The following FILIP1L variants were observed in gnomAD, a reference collection of about 807,000 sequenced individuals.
FILIP1L encodes the protein filamin A-interacting protein 1-like.
FILIP1L carries 55 observed loss-of-function variants against 96.6 expected under a neutral mutation model. The observed-to-expected ratio is 0.57, with a 90% CI of 0.46 to 0.71. The LOEUF (loss-of-function observed/expected upper bound fraction) is 0.71. Ranked by LOEUF, FILIP1L falls within the 30% of genes least tolerant of loss-of-function variation. FILIP1L has a pLI of 0.00. For missense variants in FILIP1L, 1,304 were observed against 1,321.2 expected, an observed-to-expected ratio of 0.99 and a Z score of 0.20; for synonymous variants, 467 against 473.9, an observed-to-expected ratio of 0.99 and a Z score of 0.19.
intron 4 of FILIP1L, among the ~76,000 whole-genome samples, chr3:99,902,506 G>T (rs1706469414): frequency 6.6e-6 from 1 of 152,102 alleles, no homozygotes; most frequent in Non-Finnish European, 1.5e-5. Context: ...GATATATAAG[G>T]GTATCTAGCT....
chr3:99,890,477 A>G (rs1244210250), intron 4 of FILIP1L, among the ~76,000 whole-genome samples: 4 of 152,108 alleles, frequency 2.6e-5, no homozygotes, highest in Non-Finnish European at 5.9e-5. Flanking sequence ...TTAATCTCTT[A>G]TAACCTAGAT....
In FILIP1L at chr3:99,924,404, T is replaced by A. The variant is rs1707222542; in HGVS notation, c.431A>T (p.Asp144Val). 22 of 1,613,856 alleles carry A rather than the reference T, an allele frequency of 1.4e-5. No individual in the cohort carries two copies. Among genetic ancestry groups the A allele is most frequent in the Non-Finnish European group, 1.9e-5 (22 of 1,179,916 alleles). ...TTCTTTATGTTTTTCCACAACTTTG[T>A]CCAACTACGAAAGAAAACATTTATA... is the stretch of plus-strand genomic sequence containing the variant. ...DIYEKPMNELDKVVEKHKESY... is the reference protein window; with the variant it reads ...DIYEKPMNELVKVVEKHKESY... The change falls in exon 4 of 6, where the codon GAC becomes GTC. Residue 144 changes from aspartate to valine, a missense_variant. Physicochemically the swap from Asp to Val is radical, Grantham distance 152 (BLOSUM62 -3). Coordinates refer to ENST00000477258, the MANE Select transcript of FILIP1L (RefSeq NM_001387850.1).
intron 1 of FILIP1L, among the ~76,000 whole-genome samples, chr3:100,072,235 G>A (rs374992673): frequency 6.6e-6 from 1 of 152,162 alleles, no homozygotes; most frequent in South Asian, 2.1e-4. Flanking sequence ...ATCTCCCCAA[G>A]CCCAAACCCA....
intron 1 of FILIP1L, among the ~76,000 whole-genome samples, chr3:99,991,630 G>C (rs545522324): frequency 2.2e-4 from 34 of 151,856 alleles, no homozygotes; most frequent in Non-Finnish European, 3.4e-4. Context: ...GTATTCTCCA[G>C]TGTCTGTTAT....
chr3:99,898,275 A>G (rs1706324749), intron 4 of FILIP1L: 1 of 152,328 alleles, frequency 6.6e-6, no homozygotes, highest in South Asian at 2.1e-4. Context: ...GGTGTATGGA[A>G]TGAAAGATTG....
rs995572400 is a variant in FILIP1L, at chr3:99,895,874, G to T, written c.605+28356C>A. 2.0e-5 allele frequency among the ~76,000 whole-genome samples: 3 copies of T among 152,296 alleles called. No individual in the cohort carries two copies. In the South Asian group the frequency reaches 6.2e-4, roughly 32 times the overall value. Reference sequence around the variant, plus strand: ...AACTCTAGCAGTGATTGCTAGAAAAGAAAACAATGTTGATGTTTGGTCAGG... The same window carrying T: ...AACTCTAGCAGTGATTGCTAGAAAATAAAACAATGTTGATGTTTGGTCAGG... On this transcript the variant is annotated intron_variant, in intron 4 of 5. Transcript: ENST00000477258.
Position 99,851,060 on chromosome 3 carries a change from G to C in FILIP1L, c.616C>G (p.Leu206Val). The change falls in exon 5 of 6, where the codon CTA (leucine) becomes GTA (valine). Residue 206 changes from leucine to valine, a missense_variant. Leu to Val is a conservative substitution (Grantham distance 32). Transcript: ENST00000477258. The stretch of plus-strand genomic sequence containing the variant: ...TGAGACTTGATTTCTTGATCAATTA[G>C]CTTCTTTAATCTGAAAAATGTAAAG... ...LEQECERLKK[L>V]IDQEIKSQEE... The C allele has an allele frequency of 6.3e-7, 1 of 1,584,348 alleles. No homozygotes were observed. The highest frequency in any genetic ancestry group is 1.2e-5 in the South Asian group (1 of 86,282).
chr3:100,006,412 TATC>T (rs1241426729), intron 1 of FILIP1L, among the ~76,000 whole-genome samples: 2 of 152,240 alleles, frequency 1.3e-5, no homozygotes, highest in Non-Finnish European at 2.9e-5. Context: ...TCCCCATAAT[TATC>T]ATAACTATTA....
intron 1 of FILIP1L, among the ~76,000 whole-genome samples, chr3:99,980,409 A>G (rs1464685353): frequency 6.6e-6 from 1 of 152,166 alleles, no homozygotes; most frequent in African/African-American, 2.4e-5. Flanking sequence ...TACATCAGAT[A>G]TGTTAGGTAA....
chr3:99,897,646 A>C (rs191687027), intron 4 of FILIP1L, among the ~76,000 whole-genome samples: 319 of 152,320 alleles, frequency 2.1e-3, no homozygotes, highest in Non-Finnish European at 3.7e-3. Flanking sequence ...CAGAATACTG[A>C]AAGTAGAAAA....
chr3:99,894,734 C>T (rs1706194269), intron 4 of FILIP1L, among the ~76,000 whole-genome samples: 1 of 152,076 alleles, frequency 6.6e-6, no homozygotes. Flanking sequence ...TTACTCAACC[C>T]ATAATAAAGC....
chr3:100,028,871 C>T (rs1480012636), intron 1 of FILIP1L, among the ~76,000 whole-genome samples: 6 of 152,256 alleles, frequency 3.9e-5, no homozygotes, highest in Admixed American at 6.5e-5. Context: ...TGTTTCAATA[C>T]ACCTTTTTAC....
chr3:99,962,050 A>G (rs1173229633), intron 1 of FILIP1L, among the ~76,000 whole-genome samples: 3 of 152,176 alleles, frequency 2.0e-5, no homozygotes, highest in African/African-American at 7.2e-5. Context: ...TCTGCAGGAC[A>G]CACCACACAA....
rs1185021769 is a variant in FILIP1L, at chr3:99,929,878, A to G, written c.404T>C (p.Ile135Thr). 1.1e-5 allele frequency: 18 copies of G among 1,613,200 alleles called. No individual in the cohort carries two copies. The highest frequency in any genetic ancestry group is 1.4e-5 in the Non-Finnish European group (17 of 1,179,674). Residue 135 changes from isoleucine to threonine, a missense_variant, in exon 3 of 6, where the codon ATC (isoleucine) becomes ACC (threonine). Transcript: ENST00000477258. ...TACCTCATTCATTGGTTTCTCATAG[A>G]TGTCCTCCTGCCAAGGGGTAGATTT... Reference protein sequence around the residue: ...QAKSTPWQEDIYEKPMNELDK... With the variant: ...QAKSTPWQEDTYEKPMNELDK...
chr3:100,056,632 G>A (rs1470906204), intron 1 of FILIP1L, among the ~76,000 whole-genome samples: 1 of 151,864 alleles, frequency 6.6e-6, no homozygotes, highest in Non-Finnish European at 1.5e-5. Context: ...TGAGTTTCTA[G>A]GCAGCTGGAA....
chr3:100,013,096 T>G lies in FILIP1L; in HGVS notation c.-10-82066A>C, dbSNP rs534373098. ...TTTGTCTTGTTGTCCGGGCTGATCT[T>G]GAACTCCTGGGCTCAAGCAGTCCAC... On this transcript the variant is annotated intron_variant, in intron 1 of 5. Transcript: ENST00000477258. Among the ~76,000 whole-genome samples the G allele has an allele frequency of 4.6e-5, 7 of 152,188 alleles. No individual in the cohort carries two copies. In the South Asian group the frequency reaches 1.5e-3, roughly 32 times the overall value.
chr3:99,853,017 G>C (rs1943780345), intron 4 of FILIP1L, among the ~76,000 whole-genome samples: 1 of 152,184 alleles, frequency 6.6e-6, no homozygotes, highest in Non-Finnish European at 1.5e-5. Flanking sequence ...TGTCGTTGAT[G>C]ATGATCTCAT....
chr3:100,076,167 G>A (rs2065847592), intron 1 of FILIP1L, among the ~76,000 whole-genome samples: 1 of 152,142 alleles, frequency 6.6e-6, no homozygotes, highest in African/African-American at 2.4e-5. Context: ...CCTTAAAAAT[G>A]TAAACAATAA....
intron 1 of FILIP1L, among the ~76,000 whole-genome samples, chr3:99,962,777 G>A (rs1271660688): frequency 6.6e-6 from 1 of 152,160 alleles, no homozygotes; most frequent in African/African-American, 2.4e-5. Flanking sequence ...AAGCTAAGTG[G>A]GAGAGCTAGG....
Sources: gnomAD v4.1 joint callset for allele counts (sites outside exome capture counted in the v4.1 genomes callset) on GRCh38, gnomAD v4.1.1 for gene constraint, MANE v1.5 for transcripts, NCBI Gene and HGNC (gene_info 2026-07-23, HGNC 2026-07-21) for gene names.